PDE11A: variants seen among roughly 807,000 people sequenced by gnomAD.
PDE11A encodes dual 3',5'-cyclic-AMP and -GMP phosphodiesterase 11A.
A neutral mutation model predicts 100.5 loss-of-function variants in PDE11A; 100 were observed. That is an observed-to-expected ratio of 1.00 (90% CI 0.85 to 1.18). The LOEUF (loss-of-function observed/expected upper bound fraction) is 1.18, where lower values mean the gene tolerates loss of function less well. Among genes scored for constraint, PDE11A ranks in the 50% most tolerant of loss-of-function variants. The pLI is 0.00. For synonymous variants in PDE11A, 381 were observed against 420.8 expected (o/e 0.91, Z 1.16); for missense variants, 1,141 against 1,152.6 (o/e 0.99, Z 0.15).
chr2:177,894,186 C>T (rs1401137377), intron 4 of PDE11A, among the ~76,000 whole-genome samples: 1 of 152,118 alleles, frequency 6.6e-6, no homozygotes, highest in African/African-American at 2.4e-5. Flanking sequence ...AGAACTGTGA[C>T]ACCTACAAGC....
At chr2:178,093,814 C>T (rs1193525151) in intron 2 of PDE11A, among the ~76,000 whole-genome samples, 1 of 152,106 alleles carries the variant, frequency 6.6e-6, no homozygotes, top group African/African-American at 2.4e-5. Flanking sequence ...CCAGGGGAGC[C>T]AGGATGAATG....
chr2:177,691,186 G>A (rs2081035577), intron 15 of PDE11A, among the ~76,000 whole-genome samples: 1 of 152,148 alleles, frequency 6.6e-6, no homozygotes, highest in African/African-American at 2.4e-5. Flanking sequence ...ACAACCTGTT[G>A]AGGATCAGTG....
chr2:178,054,577 G>A (rs985895625), intron 1 of PDE11A, among the ~76,000 whole-genome samples: 1 of 152,108 alleles, frequency 6.6e-6, no homozygotes, highest in African/African-American at 2.4e-5. Flanking sequence ...AAGAATGGGA[G>A]AAAATTTTTA....
chr2:177,655,586 T>C (rs2080369209), intron 19 of PDE11A, among the ~76,000 whole-genome samples: 1 of 152,152 alleles, frequency 6.6e-6, no homozygotes, highest in East Asian at 1.9e-4. Context: ...TCACCCAGGC[T>C]GGAGTGCAGT....
At chr2:178,060,934 ATTC>A (rs1438697252) in intron 1 of PDE11A, among the ~76,000 whole-genome samples, 6 of 127,972 alleles carry the variant, frequency 4.7e-5, no homozygotes, top group Non-Finnish European at 9.7e-5. Context: ...CATTGTAAAT[ATTC>A]TTTTTTTTTT....
intron 12 of PDE11A, among the ~76,000 whole-genome samples, chr2:177,714,509 G>C (rs1402899194): frequency 6.6e-6 from 1 of 152,116 alleles, no homozygotes; most frequent in Non-Finnish European, 1.5e-5. Flanking sequence ...CATATGCCCA[G>C]GGTCTCCCAG....
chr2:177,663,341 G>A (rs1229055700), intron 19 of PDE11A, among the ~76,000 whole-genome samples: 1 of 151,032 alleles, frequency 6.6e-6, no homozygotes, highest in Non-Finnish European at 1.5e-5. Context: ...AAGCTGGAAG[G>A]TGCGTCACAA....
At chr2:177,668,490 T>C (rs984051738) in intron 18 of PDE11A, among the ~76,000 whole-genome samples, 1 of 152,170 alleles carries the variant, frequency 6.6e-6, no homozygotes, top group African/African-American at 2.4e-5. Context: ...AAAACTCAAA[T>C]AATTGTTGTG....
intron 2 of PDE11A, among the ~76,000 whole-genome samples, chr2:178,011,645 T>C (rs2086275286): frequency 6.6e-6 from 1 of 152,218 alleles, no homozygotes; most frequent in Non-Finnish European, 1.5e-5. Flanking sequence ...GAGGCCTGAC[T>C]GACATACACA....
intron 9 of PDE11A, among the ~76,000 whole-genome samples, chr2:177,805,233 G>A (rs571518144): frequency 1.2e-4 from 19 of 152,082 alleles, no homozygotes; most frequent in African/African-American, 3.9e-4. Flanking sequence ...TAAAACCCCA[G>A]TAGAGGTTAT....
upstream of PDE11A, among the ~76,000 whole-genome samples, chr2:178,073,484 A>C (rs2087165700): frequency 6.6e-6 from 1 of 152,224 alleles, no homozygotes; most frequent in African/African-American, 2.4e-5. Context: ...GGAGTATTTA[A>C]TTAACAGCAG....
At chr2:177,770,803 T>C (rs183641183) in intron 9 of PDE11A, among the ~76,000 whole-genome samples, 3 of 152,344 alleles carry the variant, frequency 2.0e-5, no homozygotes, top group Non-Finnish European at 2.9e-5. Flanking sequence ...GTATGTTATA[T>C]GTTTTATGCT....
rs996908701 is a variant in PDE11A at position 177,973,177 on chromosome 2, G to A, written c.1071+41125C>T. ...TTTCTGCATTTCCATCTGAGGTACCGGGTTCATCTCACTAGGGAGTGCCAG... is the reference window on the plus strand; with the variant it reads ...TTTCTGCATTTCCATCTGAGGTACCAGGTTCATCTCACTAGGGAGTGCCAG... On this transcript the variant is annotated intron_variant, in intron 2 of 19. Coordinates refer to ENST00000286063, the MANE Select transcript of PDE11A (RefSeq NM_016953.4). Among the ~76,000 whole-genome samples, 30 of 147,304 alleles carry A rather than the reference G, an allele frequency of 2.0e-4. No individual in the cohort carries two copies. In the East Asian group the frequency reaches 3.7e-3, roughly 18 times the overall value.
At chr2:178,023,258 C>T (rs567412736) in intron 1 of PDE11A, among the ~76,000 whole-genome samples, 12 of 152,292 alleles carry the variant, frequency 7.9e-5, no homozygotes, top group Admixed American at 6.5e-4. Context: ...CTGAACTCAG[C>T]TTTCATGTCT....
chr2:177,799,265 C>G (rs1261186432), intron 9 of PDE11A, among the ~76,000 whole-genome samples: 1 of 151,732 alleles, frequency 6.6e-6, no homozygotes, highest in East Asian at 1.9e-4. Flanking sequence ...GATCCTGGTA[C>G]AAAAAGGGGA....
Position 177,947,229 on chromosome 2 carries a change from A to T in PDE11A, c.1072-42042T>A, listed in dbSNP as rs1209289930. Among the ~76,000 whole-genome samples, 3 of 110,588 alleles carry T rather than the reference A, an allele frequency of 2.7e-5. No homozygotes were observed. In the Admixed American group the frequency reaches 2.8e-4, roughly 10 times the overall value. 72.6% of individuals were successfully genotyped at this position (110,588 alleles called of 152,430 possible). On this transcript the variant is annotated intron_variant, in intron 2 of 19. Transcript: ENST00000286063. ...CGGCCGCCCCTACTGGGAAGTGAGG[A>T]GCCCCTCTGCCCGGCCACCACCCCG...
chr2:178,094,115 A>G (rs1454404858), intron 2 of PDE11A, among the ~76,000 whole-genome samples: 1 of 152,204 alleles, frequency 6.6e-6, no homozygotes, highest in Non-Finnish European at 1.5e-5. Context: ...AAGATGGGTA[A>G]TAATAAAAAA....
chr2:177,691,322 C>T (rs1040324829), intron 15 of PDE11A, among the ~76,000 whole-genome samples: 1 of 152,182 alleles, frequency 6.6e-6, no homozygotes, highest in Non-Finnish European at 1.5e-5. Flanking sequence ...GCAGTCTTAG[C>T]CCCACCAGAC....
intron 2 of PDE11A, among the ~76,000 whole-genome samples, chr2:177,970,259 C>G (rs577137254): frequency 6.6e-6 from 1 of 152,026 alleles, no homozygotes; most frequent in African/African-American, 2.4e-5. Flanking sequence ...TAAACTGACA[C>G]GTTTACATTA....
Sources: allele counts gnomAD v4.1 joint callset (sites outside exome capture counted in the v4.1 genomes callset), GRCh38; gene constraint gnomAD v4.1.1; transcripts MANE v1.5; gene names NCBI Gene and HGNC (gene_info 2026-07-23, HGNC 2026-07-21).